Variants in AKNA observed in about 807,000 individuals in gnomAD.
AKNA encodes AT-hook transcription factor, also known as microtubule organization protein AKNA.
A neutral mutation model predicts 138.8 loss-of-function variants in AKNA; 67 were observed. The ratio of observed to expected loss-of-function variants is 0.48; its 90% CI spans 0.40 to 0.59. AKNA has a LOEUF of 0.59. AKNA is among the 20% of genes least tolerant of loss of function. AKNA has a pLI of 0.00. For missense variants in AKNA, 1,813 were observed against 1,880.4 expected (o/e 0.96, Z 0.66); for synonymous variants, 737 against 754.4 (o/e 0.98, Z 0.38).
chr9:114,366,525 C>T (rs1588992925), intron 6 of AKNA, among the ~76,000 whole-genome samples: 1 of 151,982 alleles, frequency 6.6e-6, no homozygotes, highest in Non-Finnish European at 1.5e-5. Context: ...TTTCTTAGTG[C>T]GTGATGAAAA....
upstream of AKNA, among the ~76,000 whole-genome samples, chr9:114,389,170 G>A (rs968178340): frequency 5.3e-5 from 8 of 152,142 alleles, no homozygotes; most frequent in African/African-American, 1.7e-4. Flanking sequence ...CAAGGTGGGG[G>A]AGCCAGCGGG....
chr9:114,367,652 C>T lies in AKNA; in HGVS notation c.1619G>A (p.Ser540Asn), dbSNP rs1490895508. 5 of 1,598,904 alleles carry T rather than the reference C, an allele frequency of 3.1e-6. No homozygotes were observed. Residue 540 changes from serine (S) to asparagine (N), a missense_variant, in exon 6 of 22, where the codon AGC (serine) becomes AAC (asparagine). Coordinates refer to ENST00000374088, the MANE Select transcript of AKNA (RefSeq NM_001317950.2). ...CGGAAGCCACCCCAGGGTGGGCATG[C>T]TGGTAAGCGAGGAGGGGCTCAAGTC... ...RGDLSPSSLTSMPTLGWLPEN... is the reference protein window; with the variant it reads ...RGDLSPSSLTNMPTLGWLPEN...
chr9:114,333,310 C>T, downstream of AKNA: 2 of 1,228,126 alleles, frequency 1.6e-6, no homozygotes, highest in Non-Finnish European at 1.1e-6. Context: ...GAGTTTAACC[C>T]TGGCTGGGCA....
chr9:114,331,002 C>A, downstream of AKNA: 1 of 656,032 alleles, frequency 1.5e-6, no homozygotes, highest in Non-Finnish European at 2.7e-6. Context: ...ACCACGTGCT[C>A]AGAAAAAATC....
At chr9:114,340,938 AAC>A (rs1830300217) in intron 21 of AKNA, among the ~76,000 whole-genome samples, 1 of 152,192 alleles carries the variant, frequency 6.6e-6, no homozygotes, top group Non-Finnish European at 1.5e-5. Context: ...GGGATCCTGG[AAC>A]AGAGACAGGA....
At chr9:114,390,408 C>A (rs1335838406), upstream of AKNA, among the ~76,000 whole-genome samples, 1 of 152,102 alleles carries the variant, frequency 6.6e-6, no homozygotes, top group Non-Finnish European at 1.5e-5. Flanking sequence ...CACTGAGAAT[C>A]AACTGTGACC....
rs1032364596 is a variant in AKNA at position 114,345,844 on chromosome 9, G to A, written c.3661+19C>T. 3 of 1,612,590 alleles carry A rather than the reference G, an allele frequency of 1.9e-6. No individual in the cohort carries two copies. In the African/African-American group the frequency reaches 4.0e-5, roughly 22 times the overall value. On this transcript the variant is annotated intron_variant, in intron 18 of 21. Transcript: ENST00000374088. ...GACACCAGGAGCTGCACCCATCCCG[G>A]CCCTCCCTCCTGACCTACCTGTGTA...
downstream of AKNA, chr9:114,331,610 C>T (rs761512711): frequency 5.6e-6 from 9 of 1,613,960 alleles, no homozygotes; most frequent in Admixed American, 1.2e-4. Context: ...TCCTTAGGGA[C>T]ACCAAGACCT....
Position 114,365,791 on chromosome 9 carries a change from C to T in AKNA, c.1729-1172G>A, listed in dbSNP as rs559863585. On this transcript the variant is annotated intron_variant, in intron 6 of 21. Coordinates refer to ENST00000374088, the MANE Select transcript of AKNA (RefSeq NM_001317950.2). ...TCTGGCATGTGTTTCATACCCACAG[C>T]ACGTCTCAATTCAGAGCAGCCCATG... Among the ~76,000 whole-genome samples, 9 of 152,312 alleles carry T rather than the reference C, an allele frequency of 5.9e-5. No homozygotes were observed. The South Asian group carries it at 1.4e-3, about 25-fold the overall frequency.
At chr9:114,369,006 C>T (rs1320089852) in intron 4 of AKNA, among the ~76,000 whole-genome samples, 2 of 152,000 alleles carry the variant, frequency 1.3e-5, no homozygotes, top group African/African-American at 4.8e-5. Context: ...ATTAATATAC[C>T]ATATAACATA....
In AKNA at chr9:114,350,993, G is replaced by A. The variant is rs2131848770; in HGVS notation, c.3087C>T (p.His1029=). 6.2e-7 allele frequency: 1 copy of A among 1,613,842 alleles called. No homozygotes were observed. ...GAAGGGGCTGTTCAGAAATCCGTTT[G>A]TGCCCCTCAAACTCTGAGCCAGGAA... The part of the protein sequence containing the change: ...MAVPGSEFEG[H]KRISEQPLPN... The change falls in exon 15 of 22, where the codon CAC becomes CAT. Residue 1029 remains histidine (H), a synonymous_variant. Coordinates refer to ENST00000374088, the MANE Select transcript of AKNA (RefSeq NM_001317950.2).
At chr9:114,340,812 G>A (rs558619266) in intron 21 of AKNA, among the ~76,000 whole-genome samples, 1 of 152,046 alleles carries the variant, frequency 6.6e-6, no homozygotes, top group Non-Finnish European at 1.5e-5. Context: ...CAATATTCCC[G>A]ACCAGGACTC....
Position 114,359,901 on chromosome 9 carries a change from C to T in AKNA, c.2286G>A (p.Met762Ile), listed in dbSNP as rs757984711. ...LQMEQVYHGL[M>I]ERYLSVKSLP... ...CAGGTCCAGGTGGCACTCACCGCTC[C>T]ATGAGGCCATGGTAAACTTGCTCCA... The change falls in exon 10 of 22, where the codon ATG becomes ATA. Residue 762 changes from methionine (M) to isoleucine (I), a missense_variant. Physicochemically the swap from Met to Ile is conservative, Grantham distance 10. Coordinates refer to ENST00000374088, the MANE Select transcript of AKNA (RefSeq NM_001317950.2). 1.9e-5 allele frequency: 31 copies of T among 1,614,218 alleles called. No homozygotes were observed. Among genetic ancestry groups the T allele is most frequent in the Non-Finnish European group, 2.6e-5 (31 of 1,180,020 alleles).
Position 114,376,824 on chromosome 9 carries a change from C to G in AKNA, c.983G>C (p.Gly328Ala), listed in dbSNP as rs765559596. The stretch of plus-strand genomic sequence containing the variant: ...GGCTCCCTGTCTGGGCAGCGGCCTG[C>G]CCTGCCGCGTTGGCCTGGGCTGGGG... ...LNPQPRPTRQ[G>A]RPLPRQGATL... Residue 328 changes from glycine (G) to alanine (A), a missense_variant, in exon 3 of 22, where the codon GGC becomes GCC. Gly to Ala is a moderately conservative substitution (Grantham distance 60). Coordinates refer to ENST00000374088, the MANE Select transcript of AKNA (RefSeq NM_001317950.2). The G allele has an allele frequency of 6.2e-7, 1 of 1,612,696 alleles. No homozygotes were observed. The highest frequency in any genetic ancestry group is 1.1e-5 in the South Asian group (1 of 90,948).
chr9:114,361,102 C>T (rs1831915772), intron 9 of AKNA, among the ~76,000 whole-genome samples: 1 of 152,200 alleles, frequency 6.6e-6, no homozygotes, highest in East Asian at 1.9e-4. Flanking sequence ...CTTATGTCAT[C>T]CCCTGCCAGA....
In AKNA at chr9:114,337,155, G is replaced by A; in HGVS notation, c.4219C>T (p.Gln1407Ter). The A allele has an allele frequency of 1.2e-6, 2 of 1,610,646 alleles. No individual in the cohort carries two copies. The highest frequency in any genetic ancestry group is 1.1e-5 in the South Asian group (1 of 90,704). Residue 1407 changes from glutamine (Q) to a stop codon, truncating the protein, a stop_gained, in exon 22 of 22, where the codon CAG becomes TAG. Transcript: ENST00000374088. LOFTEE classifies it high-confidence loss of function. ...ELNKALSRAV[Q>*]AAESVRSTTR... Reference sequence around the variant, plus strand: ...GTAGAGCGGACGCTCTCGGCAGCCTGCACGGCCCGGCTCAGGGCCTTGTTG... The same window carrying A: ...GTAGAGCGGACGCTCTCGGCAGCCTACACGGCCCGGCTCAGGGCCTTGTTG...
intron 7 of AKNA, among the ~76,000 whole-genome samples, chr9:114,363,546 C>G (rs1460408894): frequency 6.6e-6 from 1 of 152,224 alleles, no homozygotes; most frequent in Non-Finnish European, 1.5e-5. Flanking sequence ...GGAAAATGTA[C>G]ATGACATCTA....
chr9:114,375,975 G>A (rs1279382998), intron 3 of AKNA: 1 of 454,476 alleles, frequency 2.2e-6, no homozygotes, highest in Non-Finnish European at 4.4e-6. Flanking sequence ...TCTACCCCAG[G>A]GCTTCCTGCC....
intron 11 of AKNA, chr9:114,359,243 A>AT (rs1264209780): frequency 3.3e-6 from 1 of 298,978 alleles, no homozygotes; most frequent in African/African-American, 2.3e-5. Context: ...TAATTTTTGT[A>AT]TTTCTTGTTG....
Sources: gnomAD v4.1 joint callset for allele counts (sites outside exome capture counted in the v4.1 genomes callset) on GRCh38, gnomAD v4.1.1 for gene constraint, MANE v1.5 for transcripts, NCBI Gene and HGNC (gene_info 2026-07-23, HGNC 2026-07-21) for gene names.